Variants in ZNF77 observed in about 807,000 individuals in gnomAD.
ZNF77 encodes the protein ZNFpT1.
Under a neutral mutation model 13.5 loss-of-function variants are expected in ZNF77, and 15 were observed. That is an observed-to-expected ratio of 1.11 (90% confidence interval 0.74 to 1.71). The LOEUF is 1.71. ZNF77 is among the 40% of genes most tolerant of loss of function. ZNF77 has a pLI of 0.00. For synonymous variants in ZNF77, 282 were observed against 250.0 expected, an observed-to-expected ratio of 1.13 and a Z score of -1.21; for missense variants, 717 against 676.4, an observed-to-expected ratio of 1.06 and a Z score of -0.67.
At chr19:2,943,962 G>A (rs1444328399) in intron 1 of ZNF77, among the ~76,000 whole-genome samples, 1 of 151,568 alleles carries the variant, frequency 6.6e-6, no homozygotes, top group Non-Finnish European at 1.5e-5. Flanking sequence ...CGCCCGCCTC[G>A]GCCTCCCAAA....
rs1009161422 is a variant in ZNF77 at position 2,933,781 on chromosome 19, G to A, written c.1346C>T (p.Ser449Phe). The change falls in exon 4 of 4, where the codon TCC becomes TTC. Residue 449 changes from serine (S) to phenylalanine (F), a missense_variant. By Grantham distance (155) the Ser-to-Phe change is radical. Transcript: ENST00000314531. ...GGTTCGCACATGCTCTCGAAGGGAGGAGTGACAGCTGAAGGCTTTCCCACA... is the reference window on the plus strand; with the variant it reads ...GGTTCGCACATGCTCTCGAAGGGAGAAGTGACAGCTGAAGGCTTTCCCACA... Reference protein sequence around the residue: ...KHCGKAFSCHSSLREHVRTHS... With the variant: ...KHCGKAFSCHFSLREHVRTHS... 1 of 1,613,240 alleles carries A rather than the reference G, an allele frequency of 6.2e-7. No homozygotes were observed. Among genetic ancestry groups the A allele is most frequent in the Non-Finnish European group, 8.5e-7 (1 of 1,179,320 alleles).
chr19:2,935,077 G>C (rs1376223511), intron 3 of ZNF77, among the ~76,000 whole-genome samples: 2 of 152,122 alleles, frequency 1.3e-5, no homozygotes, highest in Non-Finnish European at 2.9e-5. Flanking sequence ...GGAGTGCAGT[G>C]GCGCCATCTC....
chr19:2,938,971 A>G (rs149907845), intron 2 of ZNF77, among the ~76,000 whole-genome samples: 3 of 151,836 alleles, frequency 2.0e-5, no homozygotes, highest in African/African-American at 7.3e-5. Flanking sequence ...AATAAAAAAA[A>G]AAAAAAAGAA....
At chr19:2,944,381 G>A (rs146612837) in intron 1 of ZNF77, among the ~76,000 whole-genome samples, 33 of 111,714 alleles carry the variant, frequency 3.0e-4, no homozygotes, top group Non-Finnish European at 4.3e-4. Flanking sequence ...CCGCCTCTAC[G>A]GCCCCCTCAA....
In ZNF77 at chr19:2,934,034, AG is replaced by A; in HGVS notation, c.1092del (p.Ser365ProfsTer7). 1 of 1,614,098 alleles carries A rather than the reference AG, an allele frequency of 6.2e-7. No homozygotes were observed. The highest frequency in any genetic ancestry group is 1.3e-5 in the African/African-American group (1 of 75,014). ...ATTCTCATGTGTGCTCGCAGAGAGG[AG>A]GGGTACCTGAAGGCTTTGCCGCATT... Reference protein sequence around the residue: ...CKECGKAFRYPSSLRAHMRMH... With the variant: ...CKECGKAFRYXSSLRAHMRMH... On this transcript the variant is annotated frameshift_variant, in exon 4 of 4. Coordinates refer to ENST00000314531, the MANE Select transcript of ZNF77 (RefSeq NM_021217.3). LOFTEE classifies it low-confidence loss of function (END_TRUNC).
In ZNF77 at chr19:2,934,750, G is replaced by T; in HGVS notation, c.377C>A (p.Thr126Asn). 1 of 1,614,150 alleles carries T rather than the reference G, an allele frequency of 6.2e-7. No homozygotes were observed. Among genetic ancestry groups the T allele is most frequent in the Non-Finnish European group, 8.5e-7 (1 of 1,180,008 alleles). Reference protein sequence around the residue: ...GHQCGETLSQTANLLVHKSYP... With the variant: ...GHQCGETLSQNANLLVHKSYP... ...ACTCTTGTGCACAAGAAGGTTCGCA[G>T]TCTGGCTCAAGGTCTCTCCGCATTG... is the stretch of plus-strand genomic sequence containing the variant. The change falls in exon 4 of 4, where the codon ACT (threonine) becomes AAT (asparagine). Residue 126 changes from threonine to asparagine, a missense_variant. By Grantham distance (65) the Thr-to-Asn change is moderately conservative. Coordinates refer to ENST00000314531, the MANE Select transcript of ZNF77 (RefSeq NM_021217.3).
chr19:2,939,617 G>C, intron 1 of ZNF77: 2 of 586,730 alleles, frequency 3.4e-6, no homozygotes, highest in South Asian at 4.1e-5. Flanking sequence ...CTCTGCCAGA[G>C]ACTTACAAAG....
At chr19:2,935,381 G>T (rs539637206) in intron 3 of ZNF77, among the ~76,000 whole-genome samples, 6 of 111,444 alleles carry the variant, frequency 5.4e-5, no homozygotes, top group African/African-American at 2.1e-4. Flanking sequence ...GCAATGGCAT[G>T]ATCTCAGCTC....
In ZNF77 at chr19:2,942,370, CT is replaced by C. The variant is rs71179937; in HGVS notation, c.3+2467del. Among the ~76,000 whole-genome samples, 349 of 102,068 alleles carry C rather than the reference CT, an allele frequency of 3.4e-3. 2 individuals carry two copies. The highest frequency in any genetic ancestry group is 6.6e-3 in the East Asian group (24 of 3,612). 67.0% of individuals were successfully genotyped at this position (102,068 alleles called of 152,430 possible). ...CAGGTGTGAGCCACCGCGCCCGGCT[CT>C]TTTTTTTTTTTTTTTTTTTTCCAGA... On this transcript the variant is annotated intron_variant, in intron 1 of 3. Transcript: ENST00000314531.
chr19:2,937,466 T>C (rs1487390533), intron 2 of ZNF77, among the ~76,000 whole-genome samples: 2 of 149,256 alleles, frequency 1.3e-5, no homozygotes, highest in African/African-American at 4.9e-5. Flanking sequence ...GCCTGGGCAA[T>C]GGGCAGTAAG....
chr19:2,941,802 A>G (rs1031610422), intron 1 of ZNF77, among the ~76,000 whole-genome samples: 49 of 152,292 alleles, frequency 3.2e-4, no homozygotes, highest in African/African-American at 1.1e-3. Flanking sequence ...CCACTGTCAC[A>G]AACTCTGCAC....
At position 2,938,927 on chromosome 19, in the gene ZNF77, G is replaced by A. The variant is rs530569358; in HGVS notation, c.130+354C>T. ...GCCGAGATCGTGCCACTGCACTCCA[G>A]CTTGGGCGAGAGAGCAAGACTCCGT... is the stretch of plus-strand genomic sequence containing the variant. On this transcript the variant is annotated intron_variant, in intron 2 of 3. Coordinates refer to ENST00000314531, the MANE Select transcript of ZNF77 (RefSeq NM_021217.3). Among the ~76,000 whole-genome samples the A allele has an allele frequency of 2.5e-3, 382 of 151,316 alleles. 2 individuals are homozygous for A. Among genetic ancestry groups the A allele is most frequent in the Admixed American group, 6.1e-3 (93 of 15,126 alleles).
At position 2,938,732 on chromosome 19, in the gene ZNF77, G is replaced by A. The variant is rs532802591; in HGVS notation, c.130+549C>T. On this transcript the variant is annotated intron_variant, in intron 2 of 3. Transcript: ENST00000314531. The stretch of plus-strand genomic sequence containing the variant: ...AGCACTTTGGGAGGCCAAGGCGGGC[G>A]GATCACGAGGTCAGGAGATCGAGAC... Among the ~76,000 whole-genome samples, 40 of 152,164 alleles carry A rather than the reference G, an allele frequency of 2.6e-4. 1 individual carries two copies. In the South Asian group the frequency reaches 5.8e-3, roughly 22 times the overall value.
intron 1 of ZNF77, among the ~76,000 whole-genome samples, chr19:2,940,278 C>A (rs912135081): frequency 2.6e-5 from 4 of 151,888 alleles, no homozygotes; most frequent in Admixed American, 1.3e-4. Flanking sequence ...AGTTCCAACA[C>A]TTTGGGAGGC....
At position 2,938,828 on chromosome 19, in the gene ZNF77, C is replaced by T. The variant is rs189410201; in HGVS notation, c.130+453G>A. On this transcript the variant is annotated intron_variant, in intron 2 of 3. Transcript: ENST00000314531. ...AAAATTAGCCAGGCGTGGTGGTGGG[C>T]ACCTGTAGTCCCAGCTATTCAGGAG... 5.6e-3 allele frequency among the ~76,000 whole-genome samples: 848 copies of T among 152,134 alleles called. 3 individuals carry two copies. The highest frequency in any genetic ancestry group is 9.3e-3 in the Non-Finnish European group (630 of 68,004).
chr19:2,938,744 CAGG>C (rs2088419774), intron 2 of ZNF77, among the ~76,000 whole-genome samples: 1 of 152,090 alleles, frequency 6.6e-6, no homozygotes, highest in Non-Finnish European at 1.5e-5. Flanking sequence ...ATCACGAGGT[CAGG>C]AGATCGAGAC....
intron 1 of ZNF77, 90 bp from the exon 2 acceptor site, chr19:2,939,497 G>A (rs376740523): frequency 6.4e-7 from 1 of 1,555,748 alleles, no homozygotes; most frequent in Non-Finnish European, 8.7e-7. Flanking sequence ...CTGGGGAACT[G>A]AGCCACACAG....
Position 2,936,658 on chromosome 19 carries a change from G to A in ZNF77, c.177C>T (p.Asp59=), listed in dbSNP as rs770342384. The A allele has an allele frequency of 4.4e-6, 7 of 1,608,694 alleles. No homozygotes were observed. The highest frequency in any genetic ancestry group is 2.2e-5 in the East Asian group (1 of 44,620). The change falls in exon 3 of 4, where the codon GAC becomes GAT. Residue 59 remains aspartate, a synonymous_variant. Coordinates refer to ENST00000314531, the MANE Select transcript of ZNF77 (RefSeq NM_021217.3). ...CATTGGATATTCCATTCCCAAAAAC[G>A]TCCCTCTGAGAACTTGATCCACTGG... The part of the protein sequence containing the change: ...VRTSGSSSQR[D]VFGNGISNDE...
At position 2,936,449 on chromosome 19, in the gene ZNF77, G is replaced by A. The variant is rs115091441; in HGVS notation, c.311+75C>T. The A allele has an allele frequency of 4.4e-3, 6,423 of 1,471,822 alleles. 159 individuals are homozygous for A. In the African/African-American group the frequency reaches 0.066, roughly 15 times the overall value. 91.2% of individuals were successfully genotyped at this position (1,471,822 alleles called of 1,614,324 possible). On this transcript the variant is annotated intron_variant, in intron 3 of 3. Transcript: ENST00000314531. ...CAGGCGCGAGCCCCTGTGCCCAGCCGATACTTTTCTTTGAATTGCAAGTTA... is the reference window on the plus strand; with the variant it reads ...CAGGCGCGAGCCCCTGTGCCCAGCCAATACTTTTCTTTGAATTGCAAGTTA...
Sources: allele counts gnomAD v4.1 joint callset (sites outside exome capture counted in the v4.1 genomes callset), GRCh38; gene constraint gnomAD v4.1.1; transcripts MANE v1.5; gene names NCBI Gene and HGNC (gene_info 2026-07-23, HGNC 2026-07-21).